UGT2B4: variants seen among roughly 807,000 people sequenced by gnomAD.
The protein encoded by UGT2B4 is UDP glucuronosyltransferase family 2 member B4, also known as UDP-glucuronosyltransferase 2B4.
A neutral mutation model predicts 49.8 loss-of-function variants in UGT2B4; 49 were observed. That is an observed-to-expected ratio of 0.98 (90% confidence interval 0.78 to 1.25). UGT2B4 has a LOEUF of 1.25. UGT2B4 is among the 50% of genes most tolerant of loss of function. UGT2B4 has a pLI of 0.00. For synonymous variants in UGT2B4, 246 were observed against 217.7 expected (o/e 1.13, Z -1.14); for missense variants, 729 against 627.7 (o/e 1.16, Z -1.73).
intron 5 of UGT2B4, 110 bp from the exon 6 acceptor site, chr4:69,481,020 C>A: frequency 8.3e-7 from 1 of 1,209,948 alleles, no homozygotes; most frequent in African/African-American, 1.6e-5. Context: ...GGGCGGATCA[C>A]GAGGTCAGGA....
In UGT2B4 at chr4:69,495,737, A is replaced by T; in HGVS notation, c.125T>A (p.Ile42Asn). The part of the protein sequence containing the change: ...EFSHWMNIKT[I>N]LDELVQRGHE... ...ACCTCTCTGGACAAGTTCATCCAGG[A>T]TTGTCTTTATATTCATCCAGTGGCT... Residue 42 changes from isoleucine (I) to asparagine (N), a missense_variant, in exon 1 of 6, where the codon ATC (isoleucine) becomes AAC (asparagine). Coordinates refer to ENST00000305107, the MANE Select transcript of UGT2B4 (RefSeq NM_021139.3). The T allele has an allele frequency of 6.2e-7, 1 of 1,614,058 alleles. No individual in the cohort carries two copies. The highest frequency in any genetic ancestry group is 2.2e-5 in the East Asian group (1 of 44,858).
At position 69,495,218 on chromosome 4, in the gene UGT2B4, A is replaced by G. The variant is rs760430619; in HGVS notation, c.644T>C (p.Ile215Thr). 5 of 1,607,400 alleles carry G rather than the reference A, an allele frequency of 3.1e-6. No homozygotes were observed. The highest frequency in any genetic ancestry group is 1.3e-5 in the African/African-American group (1 of 74,620). The change falls in exon 1 of 6, where the codon ATC (isoleucine) becomes ACC (threonine). Residue 215 changes from isoleucine (I) to threonine (T), a missense_variant. Transcript: ENST00000305107. The part of the protein sequence containing the change: ...MTFIERVKNM[I>T]YVLYFEFWFQ... ...CCAAAATTCAAAATAAAGCACATAG[A>G]TCATATTTTTTACCCTCTCTATGAA...
chr4:69,520,052 T>G (rs1049319100), intron 1 of UGT2B4, among the ~76,000 whole-genome samples: 2 of 152,164 alleles, frequency 1.3e-5, no homozygotes, highest in Admixed American at 1.3e-4. Context: ...AATAATAGAT[T>G]TTTTAAAAAC....
chr4:69,502,149 CTCTTTCTT>C (rs767257228), intron 1 of UGT2B4, among the ~76,000 whole-genome samples: 6 of 64,196 alleles, frequency 9.3e-5, no homozygotes, highest in African/African-American at 3.4e-4. Context: ...TTCTTTCTTT[CTCTTTCTT>C]TCTTTCTTCT....
chr4:69,521,862 A>C (rs746284955), intron 1 of UGT2B4, among the ~76,000 whole-genome samples: 19 of 152,242 alleles, frequency 1.2e-4, no homozygotes, highest in Non-Finnish European at 2.2e-4. Context: ...TCTCAATTAT[A>C]AGCAGAATAT....
intron 2 of UGT2B4, among the ~76,000 whole-genome samples, chr4:69,492,305 G>T (rs1294618288): frequency 6.6e-6 from 1 of 152,002 alleles, no homozygotes; most frequent in Non-Finnish European, 1.5e-5. Flanking sequence ...AAACCTCTGG[G>T]ATCTCAACGC....
intron 1 of UGT2B4, among the ~76,000 whole-genome samples, chr4:69,519,097 C>G (rs1728791974): frequency 6.6e-6 from 1 of 152,088 alleles, no homozygotes; most frequent in African/African-American, 2.4e-5. Flanking sequence ...CAGAAGCCTA[C>G]AGAAGAAAGC....
chr4:69,495,842 G>A lies in UGT2B4; in HGVS notation c.20C>T (p.Ser7Leu), dbSNP rs113676396. Residue 7 changes from serine (S) to leucine (L), a missense_variant, in exon 1 of 6, where the codon TCA becomes TTA. Coordinates refer to ENST00000305107, the MANE Select transcript of UGT2B4 (RefSeq NM_021139.3). ...GCTCAGCTGTATCAGCAGAAGAGCT[G>A]AAGTCCATTTCATAGACATCCTGAT... MSMKWT[S>L]ALLLIQLSCY... The A allele has an allele frequency of 3.4e-5, 54 of 1,597,496 alleles. 4 individuals are homozygous for A. The Middle Eastern group carries it at 3.4e-3, about 99-fold the overall frequency.
At chr4:69,500,232 C>A (rs950002611), upstream of UGT2B4, among the ~76,000 whole-genome samples, 2 of 152,176 alleles carry the variant, frequency 1.3e-5, no homozygotes, top group Admixed American at 6.5e-5. Flanking sequence ...ACAACACACA[C>A]TGGGGCCTGT....
intron 3 of UGT2B4, 92 bp downstream of exon 3, chr4:69,489,347 A>G: frequency 6.5e-7 from 1 of 1,527,932 alleles, no homozygotes; most frequent in Non-Finnish European, 8.9e-7. Flanking sequence ...ACAGCTGAAT[A>G]TATAGGCAGG....
At chr4:69,487,423 A>G (rs1320206250) in intron 3 of UGT2B4, among the ~76,000 whole-genome samples, 1 of 152,338 alleles carries the variant, frequency 6.6e-6, no homozygotes, top group East Asian at 1.9e-4. Context: ...ATAAAAAAGA[A>G]CAAGATCATG....
At position 69,495,353 on chromosome 4, in the gene UGT2B4, T is replaced by C. The variant is rs1160082958; in HGVS notation, c.509A>G (p.Tyr170Cys). ...GTAGCCAGGAGAGAAGCGGAGGCTG[T>C]AGACAAAGGGTATTTTAAGTAACTC... ...LAELLKIPFV[Y>C]SLRFSPGYAI... Residue 170 changes from tyrosine to cysteine, a missense_variant, in exon 1 of 6, where the codon TAC (tyrosine) becomes TGC (cysteine). Transcript: ENST00000305107. 6.2e-7 allele frequency: 1 copy of C among 1,613,680 alleles called. No individual in the cohort carries two copies. Among genetic ancestry groups the C allele is most frequent in the Non-Finnish European group, 8.5e-7 (1 of 1,179,900 alleles).
intron 3 of UGT2B4, among the ~76,000 whole-genome samples, chr4:69,487,301 C>T (rs1202307284): frequency 6.6e-6 from 1 of 152,060 alleles, no homozygotes; most frequent in African/African-American, 2.4e-5. Flanking sequence ...ACATTTTACT[C>T]TATATAAAAC....
In UGT2B4 at chr4:69,493,715, T is replaced by G; in HGVS notation, c.848A>C (p.Lys283Thr). ...NVEFVGGLHC[K>T]PAKPLPKEME... ...TACCTTCGGTAGGGGTTTGGCAGGT[T>G]TGCAGTGGAGTCCTCCAACGAACTC... The change falls in exon 2 of 6, where the codon AAA (lysine) becomes ACA (threonine). Residue 283 changes from lysine (K) to threonine (T), a missense_variant. Lys to Thr is a moderately conservative substitution (Grantham distance 78). Transcript: ENST00000305107. The G allele has an allele frequency of 6.2e-7, 1 of 1,608,424 alleles. No individual in the cohort carries two copies. The highest frequency in any genetic ancestry group is 8.5e-7 in the Non-Finnish European group (1 of 1,178,084).
chr4:69,481,005 G>A (rs181043177), intron 5 of UGT2B4, 95 bp from the exon 6 acceptor site: 70 of 1,415,708 alleles, frequency 4.9e-5, no homozygotes, highest in Middle Eastern at 1.8e-4. Context: ...TTCCGAGGTC[G>A]AGGCGGGCGG....
upstream of UGT2B4, among the ~76,000 whole-genome samples, chr4:69,499,223 A>G (rs151104030): frequency 2.9e-3 from 444 of 152,272 alleles, no homozygotes; most frequent in African/African-American, 0.01. Context: ...CTGTGGTCGG[A>G]GACACTGCTT....
intron 1 of UGT2B4, among the ~76,000 whole-genome samples, chr4:69,516,990 G>A (rs1728750372): frequency 6.6e-6 from 1 of 150,692 alleles, no homozygotes; most frequent in Non-Finnish European, 1.5e-5. Flanking sequence ...CTTGAAAATT[G>A]CTTTAAATAC....
intron 1 of UGT2B4, among the ~76,000 whole-genome samples, chr4:69,500,923 G>C (rs557580212): frequency 6.6e-6 from 1 of 152,180 alleles, no homozygotes; most frequent in East Asian, 1.9e-4. Context: ...AGACCTGGGA[G>C]TTTTAGATAC....
intron 1 of UGT2B4, among the ~76,000 whole-genome samples, chr4:69,502,554 T>A (rs553845529): frequency 7.9e-5 from 12 of 152,092 alleles, no homozygotes; most frequent in African/African-American, 2.4e-5. Flanking sequence ...GCCCCCAGCA[T>A]ACTGCAGCAG....
Sources: allele counts gnomAD v4.1 joint callset (sites outside exome capture counted in the v4.1 genomes callset), GRCh38; gene constraint gnomAD v4.1.1; transcripts MANE v1.5; gene names NCBI Gene and HGNC (gene_info 2026-07-23, HGNC 2026-07-21).